Variants in PLCL2 observed in about 807,000 individuals in gnomAD.
PLCL2 encodes phospholipase C like 2.
In PLCL2, 4 loss-of-function variants were observed where a neutral mutation model predicts 79.6. The observed-to-expected ratio is 0.05, with a 90% confidence interval of 0.02 to 0.11. The LOEUF (loss-of-function observed/expected upper bound fraction) is 0.11, where lower values mean the gene tolerates loss of function less well. PLCL2 is among the 10% of genes least tolerant of loss of function. PLCL2 has a pLI of 1.00. For missense variants in PLCL2, 895 were observed against 1,291.0 expected (o/e 0.69, Z 4.70); for synonymous variants, 484 against 457.7 (o/e 1.06, Z -0.73).
intron 4 of PLCL2, among the ~76,000 whole-genome samples, chr3:17,043,828 A>G (rs568571878): frequency 7.6e-4 from 116 of 152,330 alleles, no homozygotes; most frequent in African/African-American, 2.5e-3. Context: ...ACTAATCAAC[A>G]AACTCCACAA....
chr3:16,974,386 G>A (rs1233034148), intron 1 of PLCL2, among the ~76,000 whole-genome samples: 1 of 152,114 alleles, frequency 6.6e-6, no homozygotes, highest in Non-Finnish European at 1.5e-5. Flanking sequence ...GAAGTGGATG[G>A]GTTTCAGCGG....
intron 5 of PLCL2, among the ~76,000 whole-genome samples, chr3:17,082,148 T>TTG (rs1553571216): frequency 6.7e-6 from 1 of 149,168 alleles, no homozygotes; most frequent in Non-Finnish European, 1.5e-5. Flanking sequence ...AGTTTTTTTT[T>TTG]TTTTTTTTTT....
At chr3:16,935,515 C>T (rs999607344) in intron 1 of PLCL2, among the ~76,000 whole-genome samples, 7 of 152,070 alleles carry the variant, frequency 4.6e-5, no homozygotes, top group East Asian at 1.9e-4. Flanking sequence ...TTTTTACCTT[C>T]GGGTCTTTAA....
chr3:16,982,808 A>G (rs944311064), intron 1 of PLCL2, among the ~76,000 whole-genome samples: 1 of 152,228 alleles, frequency 6.6e-6, no homozygotes, highest in African/African-American at 2.4e-5. Flanking sequence ...AGGAAAAAAA[A>G]AGCTATATTC....
intron 1 of PLCL2, among the ~76,000 whole-genome samples, chr3:16,976,553 C>A (rs774635618): frequency 6.6e-6 from 1 of 152,138 alleles, no homozygotes; most frequent in Non-Finnish European, 1.5e-5. Flanking sequence ...ATATTAATCC[C>A]ATCTAAAAGA....
intron 1 of PLCL2, among the ~76,000 whole-genome samples, chr3:16,979,360 A>AATTT (rs10623487): frequency 1.0e-4 from 14 of 139,324 alleles, no homozygotes; most frequent in African/African-American, 1.9e-4. Context: ...TTTTTTTTTT[A>AATTT]ATCATTCTTG....
intron 3 of PLCL2, among the ~76,000 whole-genome samples, chr3:17,016,568 C>T (rs1307925139): frequency 6.6e-6 from 1 of 152,134 alleles, no homozygotes; most frequent in Non-Finnish European, 1.5e-5. Flanking sequence ...GCCCCATCCT[C>T]GGGGAGCCAT....
intron 1 of PLCL2, among the ~76,000 whole-genome samples, chr3:16,940,627 C>G (rs916001687): frequency 2.0e-5 from 3 of 151,920 alleles, no homozygotes; most frequent in African/African-American, 7.3e-5. Flanking sequence ...CTCCCTAAAC[C>G]TAAAATAAGA....
chr3:17,028,367 G>C (rs1239113831), intron 3 of PLCL2, among the ~76,000 whole-genome samples: 1 of 152,172 alleles, frequency 6.6e-6, no homozygotes, highest in Non-Finnish European at 1.5e-5. Flanking sequence ...GAATGGGAAA[G>C]ATGCTCTGAA....
At chr3:16,903,805 G>A (rs1696685033) in intron 1 of PLCL2, among the ~76,000 whole-genome samples, 1 of 152,222 alleles carries the variant, frequency 6.6e-6, no homozygotes, top group Non-Finnish European at 1.5e-5. Context: ...AAGGTTTGAA[G>A]CAGTTTCTGG....
chr3:17,034,558 A>T (rs1263467408), intron 3 of PLCL2, among the ~76,000 whole-genome samples: 1 of 152,194 alleles, frequency 6.6e-6, no homozygotes, highest in Non-Finnish European at 1.5e-5. Flanking sequence ...CACTATGACT[A>T]CTGTCACGAA....
chr3:16,909,117 G>A (rs986850364), intron 1 of PLCL2, among the ~76,000 whole-genome samples: 11 of 152,172 alleles, frequency 7.2e-5, no homozygotes, highest in Non-Finnish European at 1.3e-4. Flanking sequence ...CTGCACATAT[G>A]TAAAAGAAAT....
chr3:16,984,189 TG>T (rs2064026478), intron 1 of PLCL2, among the ~76,000 whole-genome samples: 1 of 151,782 alleles, frequency 6.6e-6, no homozygotes, highest in Non-Finnish European at 1.5e-5. Context: ...TTAGTAGAAA[TG>T]AGGAATAGCC....
chr3:16,985,106 C>T (rs1465425681), intron 1 of PLCL2, among the ~76,000 whole-genome samples: 1 of 152,062 alleles, frequency 6.6e-6, no homozygotes, highest in East Asian at 1.9e-4. Context: ...GAATTCTTTA[C>T]TTCTCTTCGT....
In PLCL2 at chr3:16,916,780, A is replaced by T. The variant is rs144266811; in HGVS notation, c.327+31414A>T. 2.5e-3 allele frequency among the ~76,000 whole-genome samples: 379 copies of T among 152,308 alleles called. 1 individual carries two copies. The highest frequency in any genetic ancestry group is 4.3e-3 in the Non-Finnish European group (290 of 68,016). ...ATATATTACAGAATTTTGAAAGATA[A>T]AAGATAAAGATAGTTAAAATCCTTG... On this transcript the variant is annotated intron_variant, in intron 1 of 5. Coordinates refer to ENST00000615277, the MANE Select transcript of PLCL2 (RefSeq NM_001144382.2).
At chr3:17,036,177 TG>T (rs1405995679) in intron 3 of PLCL2, among the ~76,000 whole-genome samples, 1 of 152,124 alleles carries the variant, frequency 6.6e-6, no homozygotes, top group Non-Finnish European at 1.5e-5. Context: ...CTCCCCACAG[TG>T]GACTGCAGCC....
intron 1 of PLCL2, among the ~76,000 whole-genome samples, chr3:16,974,356 A>G (rs1322272724): frequency 2.6e-5 from 4 of 152,160 alleles, no homozygotes; most frequent in Non-Finnish European, 4.4e-5. Context: ...CAGAGACATA[A>G]TGTGGTGGTG....
At chr3:16,947,270 C>T (rs1158065711) in intron 1 of PLCL2, among the ~76,000 whole-genome samples, 3 of 152,046 alleles carry the variant, frequency 2.0e-5, no homozygotes. Context: ...TCTTATGAGT[C>T]ATCATTATTT....
chr3:16,962,989 A>T (rs934598378), intron 1 of PLCL2, among the ~76,000 whole-genome samples: 1 of 152,114 alleles, frequency 6.6e-6, no homozygotes, highest in African/African-American at 2.4e-5. Flanking sequence ...ATTAAATAAA[A>T]ATAGCTTCTT....
Sources: allele counts gnomAD v4.1 joint callset (sites outside exome capture counted in the v4.1 genomes callset), GRCh38; gene constraint gnomAD v4.1.1; transcripts MANE v1.5; gene names NCBI Gene and HGNC (gene_info 2026-07-23, HGNC 2026-07-21).